The following ESPNL variants were observed in gnomAD, a reference collection of about 807,000 sequenced individuals.
ESPNL encodes espin-like protein.
ESPNL carries 49 observed loss-of-function variants against 46.8 expected under a neutral mutation model. The ratio of observed to expected loss-of-function variants is 1.05; its 90% confidence interval spans 0.83 to 1.33. The LOEUF (loss-of-function observed/expected upper bound fraction) is 1.33. Among genes scored for constraint, ESPNL ranks in the 40% most tolerant of loss-of-function variants. The pLI, the probability that ESPNL is intolerant of heterozygous loss-of-function variation, is 0.00. For missense variants in ESPNL, 1,540 were observed against 1,436.6 expected, an observed-to-expected ratio of 1.07 and a Z score of -1.16; for synonymous variants, 664 against 662.1, an observed-to-expected ratio of 1.00 and a Z score of -0.04.
In ESPNL at chr2:238,131,379, C is replaced by T. The variant is rs756499031; in HGVS notation, c.2665C>T (p.Leu889=). 1.6e-5 allele frequency: 25 copies of T among 1,604,734 alleles called. No homozygotes were observed. In the South Asian group the frequency reaches 2.7e-4, roughly 17 times the overall value. The change falls in exon 9 of 9, where the codon CTG becomes TTG. Residue 889 remains leucine (L), a synonymous_variant. Coordinates refer to ENST00000343063, the MANE Select transcript of ESPNL (RefSeq NM_194312.4). The part of the protein sequence containing the change: ...HLLCFEVFEH[L]GTHGWEAVRA... Reference sequence around the variant, plus strand: ...GCTGTGCTTCGAGGTCTTCGAGCACCTGGGCACCCACGGCTGGGAGGCTGT... The same window carrying T: ...GCTGTGCTTCGAGGTCTTCGAGCACTTGGGCACCCACGGCTGGGAGGCTGT...
At chr2:238,121,141 C>T (rs190868082) in intron 5 of ESPNL, among the ~76,000 whole-genome samples, 6 of 152,298 alleles carry the variant, frequency 3.9e-5, no homozygotes, top group East Asian at 1.9e-4. Flanking sequence ...CCCCTCTCCA[C>T]GCAATGAGGG....
Position 238,130,677 on chromosome 2 carries a change from C to A in ESPNL, c.1963C>A (p.Leu655Met). The A allele has an allele frequency of 2.6e-6, 4 of 1,562,508 alleles. No individual in the cohort carries two copies. In the South Asian group the frequency reaches 4.7e-5, roughly 18 times the overall value. The change falls in exon 9 of 9, where the codon CTG becomes ATG. Residue 655 changes from leucine to methionine, a missense_variant. Coordinates refer to ENST00000343063, the MANE Select transcript of ESPNL (RefSeq NM_194312.4). The stretch of plus-strand genomic sequence containing the variant: ...GGAGTGGGGGGTGTCTGTGCGGACG[C>A]TGCGGGGCAACTTCGAGTCGGCCTC... ...IQEWGVSVRTLRGNFESASGP... is the reference protein window; with the variant it reads ...IQEWGVSVRTMRGNFESASGP...
chr2:238,125,228 GC>G, intron 5 of ESPNL, 41 bp from the exon 6 acceptor site: 1 of 970,266 alleles, frequency 1.0e-6, no homozygotes, highest in Non-Finnish European at 1.5e-6. Flanking sequence ...GCAGGGAAGA[GC>G]CCACGGGGGT....
At chr2:238,117,175 CA>C in intron 5 of ESPNL, 141 bp downstream of exon 5, 1 of 1,224,808 alleles carries the variant, frequency 8.2e-7, no homozygotes, top group South Asian at 1.5e-5. Flanking sequence ...GAGCCAGGAG[CA>C]AGGGCCTGGG....
rs547257895 is a variant in ESPNL, at chr2:238,130,851, G to A, written c.2137G>A (p.Asp713Asn). ...GCCTGGCGACACAGAGGAGGCCAGCGACTCTGGCATCAGCTGCGAGGAGGT... is the reference window on the plus strand; with the variant it reads ...GCCTGGCGACACAGAGGAGGCCAGCAACTCTGGCATCAGCTGCGAGGAGGT... ...PRPGDTEEAS[D>N]SGISCEEVPS... Residue 713 changes from aspartate to asparagine, a missense_variant, in exon 9 of 9, where the codon GAC (aspartate) becomes AAC (asparagine). By Grantham distance (23) the Asp-to-Asn change is conservative. Coordinates refer to ENST00000343063, the MANE Select transcript of ESPNL (RefSeq NM_194312.4). The A allele has an allele frequency of 6.0e-5, 93 of 1,552,638 alleles. No individual in the cohort carries two copies. The highest frequency in any genetic ancestry group is 1.4e-4 in the South Asian group (12 of 84,968).
At chr2:238,122,943 C>G (rs191890015) in intron 5 of ESPNL, among the ~76,000 whole-genome samples, 2 of 152,234 alleles carry the variant, frequency 1.3e-5, no homozygotes, top group African/African-American at 4.8e-5. Context: ...GCCAGCCTCT[C>G]GCTATGTCTT....
intron 6 of ESPNL, 191 bp from the exon 7 acceptor site, chr2:238,127,431 G>GGC: frequency 2.3e-6 from 3 of 1,330,150 alleles, no homozygotes; most frequent in East Asian, 3.1e-5. Context: ...GCGGGGGCGG[G>GGC]CCCCACTGAC....
At chr2:238,129,466 G>A (rs910287963) in intron 8 of ESPNL, among the ~76,000 whole-genome samples, 14 of 152,158 alleles carry the variant, frequency 9.2e-5, no homozygotes, top group South Asian at 2.1e-4. Context: ...GCAGGAGGAG[G>A]CGCCCTGGCA....
intron 4 of ESPNL, among the ~76,000 whole-genome samples, chr2:238,115,695 G>A (rs958848045): frequency 3.9e-5 from 6 of 152,218 alleles, no homozygotes; most frequent in African/African-American, 1.4e-4. Context: ...TGTTTGAGGT[G>A]GAGTTTCACT....
At chr2:238,119,999 C>T (rs1248567212) in intron 5 of ESPNL, among the ~76,000 whole-genome samples, 2 of 152,074 alleles carry the variant, frequency 1.3e-5, no homozygotes, top group East Asian at 3.9e-4. Flanking sequence ...AGGTGGCCTC[C>T]GGGGAGCACG....
rs1559264081 is a variant in ESPNL, at chr2:238,119,536, G to GAA, written c.987+2502_987+2503insAA. Among the ~76,000 whole-genome samples, 8 of 143,472 alleles carry GAA rather than the reference G, an allele frequency of 5.6e-5. No homozygotes were observed. In the East Asian group the frequency reaches 6.5e-4, roughly 12 times the overall value. 94.1% of individuals were successfully genotyped at this position (143,472 alleles called of 152,430 possible). ...GGGTGGAGGAGGGGAGATGGAGGAGGTGGATGGAGGAGGTGGATGAAGGAG... is the reference window on the plus strand; with the variant it reads ...GGGTGGAGGAGGGGAGATGGAGGAGGAATGGATGGAGGAGGTGGATGAAGGAG... On this transcript the variant is annotated intron_variant, in intron 5 of 8. Transcript: ENST00000343063.
chr2:238,129,667 T>C (rs1692236859), intron 8 of ESPNL, among the ~76,000 whole-genome samples: 1 of 152,236 alleles, frequency 6.6e-6, no homozygotes, highest in South Asian at 2.1e-4. Context: ...TTTGTCAAGA[T>C]GATTGAGTTC....
At chr2:238,125,528 G>A (rs1692086660) in intron 6 of ESPNL, 144 bp downstream of exon 6, 1 of 465,600 alleles carries the variant, frequency 2.1e-6, no homozygotes, top group Non-Finnish European at 3.9e-6. Context: ...TTGCTTCCAG[G>A]TTTCCTTGAC....
chr2:238,127,532 A>T, intron 6 of ESPNL, 90 bp from the exon 7 acceptor site: 4 of 1,469,456 alleles, frequency 2.7e-6, no homozygotes. Context: ...TCAGGAGGTC[A>T]GCTCTGCCCC....
At chr2:238,124,200 C>T (rs1425330247) in intron 5 of ESPNL, among the ~76,000 whole-genome samples, 1 of 152,246 alleles carries the variant, frequency 6.6e-6, no homozygotes, top group Non-Finnish European at 1.5e-5. Context: ...TCTGCTCTGC[C>T]CAGGGCTCTC....
At chr2:238,104,114 G>A (rs1461117897) in intron 2 of ESPNL, among the ~76,000 whole-genome samples, 1 of 152,172 alleles carries the variant, frequency 6.6e-6, no homozygotes, top group Non-Finnish European at 1.5e-5. Context: ...CTCCTGAGAG[G>A]GGAAGGGCCC....
chr2:238,128,821 CAGCCCATCCCAG>C lies in ESPNL; in HGVS notation c.1333_1344del (p.Pro445_Glu448del). The C allele has an allele frequency of 6.4e-7, 1 of 1,551,026 alleles. No homozygotes were observed. ...GGTGCCCACGCGGGATGAGCGCGGCCAGCCCATCCCAGAGTGGAAGCGGCAGGTGATGGTGCG... is the reference window on the plus strand; with the variant it reads ...GGTGCCCACGCGGGATGAGCGCGGCCAGTGGAAGCGGCAGGTGATGGTGCG... On this transcript the variant is annotated inframe_deletion, in exon 8 of 9. Coordinates refer to ENST00000343063, the MANE Select transcript of ESPNL (RefSeq NM_194312.4).
In ESPNL at chr2:238,128,756, T is replaced by C; in HGVS notation, c.1265T>C (p.Leu422Pro). The change falls in exon 8 of 9, where the codon CTA becomes CCA. Residue 422 changes from leucine to proline, a missense_variant. Physicochemically the swap from Leu to Pro is moderately conservative, Grantham distance 98 (BLOSUM62 -3). Coordinates refer to ENST00000343063, the MANE Select transcript of ESPNL (RefSeq NM_194312.4). ...GACACCTCAGATGGCCTGGCCGCAC[T>C]ACAGCTGGATGGGCTGCCCTCAGGC... Reference protein sequence around the residue: ...AGDTSDGLAALQLDGLPSGDI... With the variant: ...AGDTSDGLAAPQLDGLPSGDI... 1 of 1,598,456 alleles carries C rather than the reference T, an allele frequency of 6.3e-7. No individual in the cohort carries two copies. Among genetic ancestry groups the C allele is most frequent in the Non-Finnish European group, 8.5e-7 (1 of 1,173,460 alleles).
In ESPNL at chr2:238,100,457, G is replaced by C. The variant is rs1251556443; in HGVS notation, c.38G>C (p.Gly13Ala). Residue 13 changes from glycine to alanine, a missense_variant, in exon 1 of 9, where the codon GGG becomes GCG. Transcript: ENST00000343063. The stretch of plus-strand genomic sequence containing the variant: ...CGGGCACTCGTGGCCGCCAAGGATG[G>C]GGATGTGGCGACGTTGGAGCGGCTG... Reference protein sequence around the residue: ...KQRALVAAKDGDVATLERLLE... With the variant: ...KQRALVAAKDADVATLERLLE... The C allele has an allele frequency of 6.2e-7, 1 of 1,605,284 alleles. No individual in the cohort carries two copies. The highest frequency in any genetic ancestry group is 8.5e-7 in the Non-Finnish European group (1 of 1,177,942).
Sources: gnomAD v4.1 joint callset for allele counts (sites outside exome capture counted in the v4.1 genomes callset) on GRCh38, gnomAD v4.1.1 for gene constraint, MANE v1.5 for transcripts, NCBI Gene and HGNC (gene_info 2026-07-23, HGNC 2026-07-21) for gene names.